ARHGEF12: variants seen among roughly 807,000 people sequenced by gnomAD.
ARHGEF12 encodes KMT2A/ARHGEF12 fusion protein.
ARHGEF12 carries 66 observed loss-of-function variants against 211.2 expected under a neutral mutation model. That is an observed-to-expected ratio of 0.31 (90% confidence interval 0.26 to 0.38). The LOEUF (loss-of-function observed/expected upper bound fraction) is 0.38. Ranked by LOEUF, ARHGEF12 falls within the 10% of genes least tolerant of loss-of-function variation. The pLI is 1.00. For missense variants in ARHGEF12, 1,429 were observed against 1,869.5 expected, an observed-to-expected ratio of 0.76 and a Z score of 4.34; for synonymous variants, 592 against 638.4, an observed-to-expected ratio of 0.93 and a Z score of 1.09.
intron 14 of ARHGEF12, 116 bp from the exon 15 acceptor site, chr11:120,441,988 A>G (rs1260230290): frequency 1.2e-6 from 1 of 855,268 alleles, no homozygotes; most frequent in East Asian, 2.6e-5. Flanking sequence ...TATAGTAATA[A>G]CTACATTGTT....
intron 1 of ARHGEF12, among the ~76,000 whole-genome samples, chr11:120,345,632 G>A (rs1471526391): frequency 6.6e-6 from 1 of 151,084 alleles, no homozygotes; most frequent in Admixed American, 6.6e-5. Context: ...GAACCCAGGA[G>A]GTGGAGCTTG....
At chr11:120,369,188 G>T (rs1294704136) in intron 1 of ARHGEF12, among the ~76,000 whole-genome samples, 3 of 149,496 alleles carry the variant, frequency 2.0e-5, no homozygotes, top group Non-Finnish European at 3.0e-5. Context: ...GAGTGCAGTG[G>T]CATGATCTCA....
chr11:120,358,122 G>GATTCTTTC (rs1943177558), intron 1 of ARHGEF12, among the ~76,000 whole-genome samples: 8 of 152,122 alleles, frequency 5.3e-5, no homozygotes, highest in Admixed American at 3.9e-4. Context: ...TGTTATAAAA[G>GATTCTTTC]ATTCTTTCGG....
chr11:120,342,552 A>G (rs929707415), intron 1 of ARHGEF12, among the ~76,000 whole-genome samples: 8 of 152,172 alleles, frequency 5.3e-5, no homozygotes, highest in African/African-American at 1.9e-4. Flanking sequence ...ATTGTCTAAA[A>G]ATCAGCTTAT....
At chr11:120,384,478 G>T (rs562754769) in intron 1 of ARHGEF12, among the ~76,000 whole-genome samples, 3 of 152,334 alleles carry the variant, frequency 2.0e-5, no homozygotes, top group African/African-American at 7.2e-5. Flanking sequence ...GAAAAGGAAA[G>T]TAGAGGCTGA....
rs1464464482 is a variant in ARHGEF12, at chr11:120,428,185, T to A, written c.523T>A (p.Ser175Thr). The A allele has an allele frequency of 3.1e-6, 5 of 1,611,862 alleles. No homozygotes were observed. The highest frequency in any genetic ancestry group is 4.2e-6 in the Non-Finnish European group (5 of 1,179,118). Residue 175 changes from serine to threonine, a missense_variant, in exon 8 of 41, where the codon TCT becomes ACT. Coordinates refer to ENST00000397843, the MANE Select transcript of ARHGEF12 (RefSeq NM_015313.3). ...VIGHMSPIMT[S>T]PHSPGASGNM... ...TGGACATATGTCTCCCATCATGACA[T>A]CTCCTCATTCACCTGGAGCATCTGG...
At chr11:120,361,602 T>C (rs1371364432) in intron 1 of ARHGEF12, among the ~76,000 whole-genome samples, 1 of 152,236 alleles carries the variant, frequency 6.6e-6, no homozygotes, top group Non-Finnish European at 1.5e-5. Flanking sequence ...CGCAAAAATT[T>C]TCAAAAATTT....
At chr11:120,474,116 G>T in intron 31 of ARHGEF12, among the ~76,000 whole-genome samples, 1 of 152,154 alleles carries the variant, frequency 6.6e-6, no homozygotes, top group Non-Finnish European at 1.5e-5. Context: ...GTAGTACCTG[G>T]ACTTTTCATG....
intron 4 of ARHGEF12, among the ~76,000 whole-genome samples, chr11:120,416,286 T>C (rs1253613761): frequency 2.0e-5 from 3 of 152,198 alleles, no homozygotes; most frequent in African/African-American, 7.2e-5. Flanking sequence ...AGTTTCCTTC[T>C]GTCCCAGAAT....
intron 26 of ARHGEF12, among the ~76,000 whole-genome samples, chr11:120,460,160 T>C (rs1344458522): frequency 6.6e-6 from 1 of 152,230 alleles, no homozygotes; most frequent in Non-Finnish European, 1.5e-5. Flanking sequence ...TATTTCTCTA[T>C]GACCCTTAAT....
chr11:120,388,853 T>A (rs949942440), intron 1 of ARHGEF12, among the ~76,000 whole-genome samples: 2 of 152,228 alleles, frequency 1.3e-5, no homozygotes, highest in African/African-American at 4.8e-5. Context: ...TAAGTGCTTT[T>A]ATTTTTTTTT....
intron 13 of ARHGEF12, among the ~76,000 whole-genome samples, chr11:120,440,734 A>T (rs1272424056): frequency 1.3e-5 from 2 of 152,002 alleles, no homozygotes; most frequent in Non-Finnish European, 1.5e-5. Flanking sequence ...TTCCACTATG[A>T]GGTTGAATCA....
chr11:120,422,290 G>A (rs1264866154), intron 6 of ARHGEF12, among the ~76,000 whole-genome samples: 1 of 152,150 alleles, frequency 6.6e-6, no homozygotes, highest in Non-Finnish European at 1.5e-5. Flanking sequence ...GGTTTCACCA[G>A]GTACAGTAGC....
At chr11:120,454,492 G>A (rs1313424350) in intron 22 of ARHGEF12, among the ~76,000 whole-genome samples, 2 of 152,164 alleles carry the variant, frequency 1.3e-5, no homozygotes, top group East Asian at 3.8e-4. Flanking sequence ...AGTGACATCT[G>A]TTGTATTATC....
At chr11:120,349,088 A>G (rs2135287342) in intron 1 of ARHGEF12, among the ~76,000 whole-genome samples, 1 of 152,288 alleles carries the variant, frequency 6.6e-6, no homozygotes, top group South Asian at 2.1e-4. Flanking sequence ...TTTAGTTGCA[A>G]TTGTTAGTTG....
chr11:120,356,765 T>C (rs189960663), intron 1 of ARHGEF12, among the ~76,000 whole-genome samples: 2 of 152,298 alleles, frequency 1.3e-5, no homozygotes, highest in African/African-American at 4.8e-5. Context: ...TATTTGGACC[T>C]TTCCCACCCT....
chr11:120,419,327 T>C (rs2135659967), intron 4 of ARHGEF12, among the ~76,000 whole-genome samples: 1 of 152,130 alleles, frequency 6.6e-6, no homozygotes, highest in South Asian at 2.1e-4. Context: ...TTTTTTCTTT[T>C]ATGGTTTATA....
chr11:120,368,084 CCT>C (rs958928530), intron 1 of ARHGEF12, among the ~76,000 whole-genome samples: 10 of 151,986 alleles, frequency 6.6e-5, no homozygotes, highest in African/African-American at 2.2e-4. Context: ...ATTTGAGTGG[CCT>C]CTTTTTTTGA....
At chr11:120,477,638 G>A (rs1947088899) in intron 36 of ARHGEF12, 112 bp downstream of exon 36, 4 of 953,080 alleles carry the variant, frequency 4.2e-6, no homozygotes, top group Admixed American at 4.9e-5. Flanking sequence ...GTCGAGATAG[G>A]CGTATCACCT....
Sources: gnomAD v4.1 joint callset for allele counts (sites outside exome capture counted in the v4.1 genomes callset) on GRCh38, gnomAD v4.1.1 for gene constraint, MANE v1.5 for transcripts, NCBI Gene and HGNC (gene_info 2026-07-23, HGNC 2026-07-21) for gene names.